AEBP2: variants seen among roughly 807,000 people sequenced by gnomAD.
AEBP2 encodes the protein zinc finger protein AEBP2.
AEBP2 carries 10 observed loss-of-function variants against 50.8 expected under a neutral mutation model. The ratio of observed to expected loss-of-function variants is 0.20; its 90% CI spans 0.12 to 0.33. The LOEUF (loss-of-function observed/expected upper bound fraction) is 0.33, where lower values mean the gene tolerates loss of function less well. Among genes scored for constraint, AEBP2 ranks in the 10% least tolerant of loss-of-function variants. AEBP2 has a pLI of 1.00. For missense variants in AEBP2, 570 were observed against 688.0 expected, an observed-to-expected ratio of 0.83 and a Z score of 1.92; for synonymous variants, 296 against 261.3, an observed-to-expected ratio of 1.13 and a Z score of -1.28.
intron 1 of AEBP2, among the ~76,000 whole-genome samples, chr12:19,450,504 T>G (rs1777702289): frequency 6.9e-6 from 1 of 144,866 alleles, no homozygotes; most frequent in African/African-American, 2.6e-5. Context: ...CTTTTGCTTG[T>G]GTGCTACACT....
chr12:19,508,289 G>A (rs989938530), intron 5 of AEBP2, among the ~76,000 whole-genome samples: 1 of 152,096 alleles, frequency 6.6e-6, no homozygotes, highest in Non-Finnish European at 1.5e-5. Context: ...TCGAATTCCT[G>A]GGCTCAAGCA....
At chr12:19,414,385 C>G (rs2095741108) in intron 1 of AEBP2, among the ~76,000 whole-genome samples, 1 of 152,148 alleles carries the variant, frequency 6.6e-6, no homozygotes, top group African/African-American at 2.4e-5. Flanking sequence ...CTGGCCAATT[C>G]CCAAAGTTAC....
intron 1 of AEBP2, 31 bp from the exon 2 acceptor site, chr12:19,462,479 G>T: frequency 6.5e-7 from 1 of 1,541,844 alleles, no homozygotes. Flanking sequence ...GAATTTCTAG[G>T]AATAACACAG....
At chr12:19,517,180 G>A (rs1949332419) in intron 7 of AEBP2, among the ~76,000 whole-genome samples, 1 of 152,092 alleles carries the variant, frequency 6.6e-6, no homozygotes, top group Non-Finnish European at 1.5e-5. Context: ...TAAATTTCTG[G>A]ATTTTGACTG....
At chr12:19,475,921 A>G (rs1948642831) in intron 3 of AEBP2, among the ~76,000 whole-genome samples, 3 of 152,100 alleles carry the variant, frequency 2.0e-5, no homozygotes, top group African/African-American at 7.2e-5. Context: ...AATTTTGAAC[A>G]TTAGTCCTTT....
chr12:19,503,807 C>T (rs562505411), intron 5 of AEBP2, among the ~76,000 whole-genome samples: 8 of 152,006 alleles, frequency 5.3e-5, no homozygotes, highest in East Asian at 1.9e-4. Context: ...TACAGGTGAG[C>T]CACCACGCCC....
At chr12:19,510,424 G>A (rs1439810741) in intron 5 of AEBP2, among the ~76,000 whole-genome samples, 1 of 152,206 alleles carries the variant, frequency 6.6e-6, no homozygotes, top group Non-Finnish European at 1.5e-5. Context: ...ATGCGCATGG[G>A]CAGACACGGC....
At chr12:19,473,472 C>G in intron 3 of AEBP2, 117 bp downstream of exon 3, 3 of 315,178 alleles carry the variant, frequency 9.5e-6, no homozygotes, top group Non-Finnish European at 1.0e-5. Context: ...ATGGTGCCAT[C>G]TTGGCTCCCT....
chr12:19,456,467 A>T, intron 1 of AEBP2: 2 of 1,466,544 alleles, frequency 1.4e-6, no homozygotes, highest in Non-Finnish European at 1.9e-6. Flanking sequence ...AGTTAGGGCC[A>T]TCTTCCAGCT....
At chr12:19,510,718 A>G (rs1325000259) in intron 5 of AEBP2, among the ~76,000 whole-genome samples, 2 of 152,130 alleles carry the variant, frequency 1.3e-5, no homozygotes, top group Non-Finnish European at 2.9e-5. Flanking sequence ...TACATAATCT[A>G]ATGGTTTGCA....
intron 3 of AEBP2, among the ~76,000 whole-genome samples, chr12:19,481,371 G>C (rs1278423120): frequency 1.3e-5 from 2 of 152,072 alleles, no homozygotes; most frequent in African/African-American, 4.8e-5. Context: ...CCAGAGTGCT[G>C]GGATTACAGG....
At chr12:19,512,998 TG>T (rs1368993591) in intron 6 of AEBP2, among the ~76,000 whole-genome samples, 2 of 152,026 alleles carry the variant, frequency 1.3e-5, no homozygotes, top group African/African-American at 4.8e-5. Context: ...AAATCTTGTG[TG>T]GTGTTTTTTG....
intron 1 of AEBP2, among the ~76,000 whole-genome samples, chr12:19,460,767 G>T (rs1948361537): frequency 6.6e-6 from 1 of 150,966 alleles, no homozygotes; most frequent in South Asian, 2.1e-4. Context: ...CCATTCTCCT[G>T]CCTCAGTCTC....
chr12:19,434,615 G>A (rs752181253), upstream of AEBP2, among the ~76,000 whole-genome samples: 21 of 152,234 alleles, frequency 1.4e-4, no homozygotes, highest in Non-Finnish European at 2.5e-4. Context: ...CTGAGCTGGG[G>A]AATGACTTTG....
At chr12:19,444,636 A>G (rs911037441) in intron 1 of AEBP2, among the ~76,000 whole-genome samples, 3 of 152,232 alleles carry the variant, frequency 2.0e-5, no homozygotes, top group Admixed American at 6.5e-5. Flanking sequence ...ACTACAAAAC[A>G]GGTATTACTC....
At chr12:19,496,747 G>A (rs1434687111) in intron 4 of AEBP2, among the ~76,000 whole-genome samples, 1 of 147,970 alleles carries the variant, frequency 6.8e-6, no homozygotes, top group Non-Finnish European at 1.5e-5. Flanking sequence ...CTGCAGCCTC[G>A]ACCTCCTGGG....
chr12:19,474,446 G>T (rs185590283), intron 3 of AEBP2, among the ~76,000 whole-genome samples: 1 of 152,178 alleles, frequency 6.6e-6, no homozygotes, highest in Admixed American at 6.5e-5. Context: ...TTATAGCAAA[G>T]GTTTACACTA....
chr12:19,479,526 T>C (rs73339305), intron 3 of AEBP2, among the ~76,000 whole-genome samples: 74 of 150,498 alleles, frequency 4.9e-4, no homozygotes, highest in African/African-American at 1.8e-3. Context: ...GATACAATTA[T>C]TATTACATAA....
intron 2 of AEBP2, among the ~76,000 whole-genome samples, chr12:19,468,658 G>A (rs769224120): frequency 5.3e-5 from 8 of 152,128 alleles, no homozygotes; most frequent in Non-Finnish European, 1.2e-4. Context: ...TACATACACT[G>A]GTACAAGGAT....
Sources: allele counts gnomAD v4.1 joint callset (sites outside exome capture counted in the v4.1 genomes callset), GRCh38; gene constraint gnomAD v4.1.1; transcripts MANE v1.5; gene names NCBI Gene and HGNC (gene_info 2026-07-23, HGNC 2026-07-21).